Variants in PLXNA4 observed in about 807,000 individuals in gnomAD.
The protein encoded by PLXNA4 is plexin A4.
In PLXNA4, 44 loss-of-function variants were observed where a neutral mutation model predicts 191.8. The ratio of observed to expected loss-of-function variants is 0.23; its 90% CI spans 0.18 to 0.29. The LOEUF is 0.29. PLXNA4 is among the 10% of genes least tolerant of loss of function. The pLI is 1.00. For synonymous variants in PLXNA4, 1,082 were observed against 1,009.5 expected, an observed-to-expected ratio of 1.07 and a Z score of -1.36; for missense variants, 1,800 against 2,488.8, an observed-to-expected ratio of 0.72 and a Z score of 5.89.
At chr7:132,138,970 G>T (rs1446241307) in intron 30 of PLXNA4, among the ~76,000 whole-genome samples, 2 of 152,230 alleles carry the variant, frequency 1.3e-5, no homozygotes, top group African/African-American at 4.8e-5. Context: ...CAACAGCCCA[G>T]CTGCTGCCTC....
intron 4 of PLXNA4, among the ~76,000 whole-genome samples, chr7:132,272,556 C>G (rs1377485079): frequency 2.0e-5 from 3 of 152,116 alleles, no homozygotes; most frequent in African/African-American, 7.2e-5. Context: ...TCATTCCTGC[C>G]TAAATCAAGT....
chr7:132,421,573 C>A (rs1420182284), intron 3 of PLXNA4, among the ~76,000 whole-genome samples: 1 of 137,178 alleles, frequency 7.3e-6, no homozygotes, highest in South Asian at 2.1e-4. Context: ...TACTTTATTG[C>A]TAAAGTTTTT....
intron 5 of PLXNA4, among the ~76,000 whole-genome samples, chr7:132,229,368 T>C (rs1798445248): frequency 6.6e-6 from 1 of 152,190 alleles, no homozygotes; most frequent in Non-Finnish European, 1.5e-5. Flanking sequence ...GTAAAAAACA[T>C]GGAACTCTCC....
chr7:132,323,556 T>A (rs1802257044), intron 3 of PLXNA4, among the ~76,000 whole-genome samples: 1 of 152,180 alleles, frequency 6.6e-6, no homozygotes, highest in South Asian at 2.1e-4. Flanking sequence ...AAAATAGGTC[T>A]GCTAGATCTT....
At chr7:132,563,592 ATCCTTTCTCCTCC>A (rs1801489600) in intron 1 of PLXNA4, among the ~76,000 whole-genome samples, 1 of 24,280 alleles carries the variant, frequency 4.1e-5, no homozygotes, top group African/African-American at 1.7e-4. Context: ...CCTTCTCCTC[ATCCTTTCTCCTCC>A]TCCTTCTCTT....
chr7:132,470,284 C>T (rs1209014659), intron 3 of PLXNA4, among the ~76,000 whole-genome samples: 2 of 152,116 alleles, frequency 1.3e-5, no homozygotes, highest in Admixed American at 6.5e-5. Context: ...GTCCTCACCC[C>T]ATCTGGCTTG....
chr7:132,285,203 A>G (rs957666413), intron 4 of PLXNA4, among the ~76,000 whole-genome samples: 7 of 152,310 alleles, frequency 4.6e-5, no homozygotes, highest in Middle Eastern at 3.4e-3. Context: ...GGATATTCCC[A>G]TTTTGTCGAT....
rs151314129 is a variant in PLXNA4 at position 132,647,125 on chromosome 7, A to G, written c.-202-1082T>C. Among the ~76,000 whole-genome samples the G allele has an allele frequency of 3.9e-3, 598 of 152,170 alleles. 1 individual carries two copies. The highest frequency in any genetic ancestry group is 6.5e-3 in the Non-Finnish European group (444 of 68,002). ...CATATACACGCATATACACTCACAC[A>G]TACACTGACTTACACACATGCAGTC... On this transcript the variant is annotated intron_variant, in intron 1 of 4. Coordinates refer to the PLXNA4 transcript ENST00000378539.
intron 3 of PLXNA4, among the ~76,000 whole-genome samples, chr7:132,457,227 T>C (rs1796346754): frequency 6.6e-6 from 1 of 152,224 alleles, no homozygotes; most frequent in Non-Finnish European, 1.5e-5. Flanking sequence ...AGCCTTATAT[T>C]TGGAATTCAT....
At chr7:132,597,840 G>GCTCTCT (rs768906299) in intron 2 of PLXNA4, among the ~76,000 whole-genome samples, 1,794 of 140,298 alleles carry the variant, frequency 0.013, 27 homozygotes, top group African/African-American at 0.039. Context: ...TCCATGTTGC[G>GCTCTCT]CTCTCTCTCT....
At chr7:132,581,321 T>C (rs1447061378), upstream of PLXNA4, among the ~76,000 whole-genome samples, 1 of 152,216 alleles carries the variant, frequency 6.6e-6, no homozygotes, top group South Asian at 2.1e-4. Flanking sequence ...CTGGGTATTC[T>C]CAGTAGACCC....
intron 4 of PLXNA4, among the ~76,000 whole-genome samples, chr7:132,284,147 T>C (rs937304350): frequency 6.6e-6 from 1 of 152,246 alleles, no homozygotes; most frequent in Non-Finnish European, 1.5e-5. Context: ...CACTCCAGCC[T>C]GGGTGGCAGA....
intron 29 of PLXNA4, among the ~76,000 whole-genome samples, chr7:132,141,600 G>A (rs1386155110): frequency 6.6e-6 from 1 of 152,144 alleles, no homozygotes; most frequent in African/African-American, 2.4e-5. Context: ...TAGGACCAGG[G>A]ATGTGTAGGG....
chr7:132,176,888 ATGTG>A (rs1055210533), intron 20 of PLXNA4, among the ~76,000 whole-genome samples: 1 of 147,904 alleles, frequency 6.8e-6, no homozygotes, highest in Admixed American at 6.6e-5. Context: ...GCATGCGTCT[ATGTG>A]TGCACGCATG....
intron 2 of PLXNA4, among the ~76,000 whole-genome samples, chr7:132,587,238 G>A (rs971305720): frequency 2.6e-5 from 4 of 152,202 alleles, no homozygotes; most frequent in Non-Finnish European, 5.9e-5. Flanking sequence ...TAAGGCTCAA[G>A]GGAACATAAC....
chr7:132,566,444 T>C (rs1459479361), intron 1 of PLXNA4, among the ~76,000 whole-genome samples: 1 of 152,202 alleles, frequency 6.6e-6, no homozygotes, highest in African/African-American at 2.4e-5. Flanking sequence ...TAATTAGAAA[T>C]CCTCAGCCTT....
intron 3 of PLXNA4, among the ~76,000 whole-genome samples, chr7:132,455,954 T>C (rs1330185845): frequency 1.3e-5 from 2 of 152,192 alleles, no homozygotes; most frequent in African/African-American, 4.8e-5. Flanking sequence ...GCCAGCCTTC[T>C]GCAGCTCACA....
intron 3 of PLXNA4, among the ~76,000 whole-genome samples, chr7:132,431,916 G>A (rs1232554655): frequency 2.6e-5 from 4 of 152,254 alleles, no homozygotes; most frequent in Middle Eastern, 3.4e-3. Context: ...ATAGGACCTC[G>A]CCTCTCATAA....
intron 25 of PLXNA4, among the ~76,000 whole-genome samples, chr7:132,151,854 A>T (rs773963841): frequency 1.5e-4 from 23 of 152,224 alleles, no homozygotes; most frequent in Admixed American, 3.3e-4. Context: ...GGGCAGCCCC[A>T]CATTCCCTGG....
Sources: gnomAD v4.1 joint callset for allele counts (sites outside exome capture counted in the v4.1 genomes callset) on GRCh38, gnomAD v4.1.1 for gene constraint, MANE v1.5 for transcripts, NCBI Gene and HGNC (gene_info 2026-07-23, HGNC 2026-07-21) for gene names.